CLNK: variants seen among roughly 807,000 people sequenced by gnomAD.
CLNK encodes cytokine dependent hematopoietic cell linker, also known as cytokine-dependent hematopoietic cell linker.
CLNK carries 74 observed loss-of-function variants against 68.6 expected under a neutral mutation model. The observed-to-expected ratio is 1.08, with a 90% CI of 0.89 to 1.31. CLNK has a LOEUF of 1.31. Among genes scored for constraint, CLNK ranks in the 50% most tolerant of loss-of-function variants. The probability of loss-of-function intolerance (pLI) is 0.00; values close to 1 mark genes in which losing one functional copy is unlikely to be tolerated. For synonymous variants in CLNK, 198 were observed against 172.2 expected, an observed-to-expected ratio of 1.15 and a Z score of -1.17; for missense variants, 553 against 515.3, an observed-to-expected ratio of 1.07 and a Z score of -0.71.
At chr4:10,723,523 A>G in the CLNK span, among the ~76,000 whole-genome samples, 2 of 152,172 alleles carry the variant, frequency 1.3e-5, no homozygotes, top group Non-Finnish European at 2.9e-5. Flanking sequence ...ATTAAGAGAA[A>G]TAACACTAAG....
At chr4:10,596,532 G>A (rs1336460644) in intron 3 of CLNK, among the ~76,000 whole-genome samples, 1 of 152,052 alleles carries the variant, frequency 6.6e-6, no homozygotes, top group Non-Finnish European at 1.5e-5. Context: ...TAAATACATT[G>A]GTTTAATAGT....
intron 2 of CLNK, among the ~76,000 whole-genome samples, chr4:10,667,517 G>T (rs908308020): frequency 8.6e-5 from 13 of 151,910 alleles, no homozygotes; most frequent in African/African-American, 3.1e-4. Flanking sequence ...TCTCCTGTGG[G>T]AAAAAGCACA....
intron 10 of CLNK, among the ~76,000 whole-genome samples, 187 bp from the exon 11 acceptor site, chr4:10,540,791 T>G (rs1040581375): frequency 1.3e-5 from 2 of 152,172 alleles, no homozygotes; most frequent in African/African-American, 4.8e-5. Context: ...GACATAATTT[T>G]CTATGGGGAG....
At chr4:10,512,520 C>T (rs1311977494) in intron 16 of CLNK, among the ~76,000 whole-genome samples, 2 of 151,974 alleles carry the variant, frequency 1.3e-5, no homozygotes, top group African/African-American at 2.4e-5. Context: ...CATGAGCCAC[C>T]GTGCCTGGCC....
chr4:10,516,733 T>C (rs1444059045), intron 15 of CLNK, among the ~76,000 whole-genome samples: 1 of 152,098 alleles, frequency 6.6e-6, no homozygotes, highest in Non-Finnish European at 1.5e-5. Context: ...TTGTGTTTAG[T>C]AGAGTCAGGG....
At chr4:10,716,929 G>A in the CLNK span, among the ~76,000 whole-genome samples, 3 of 151,750 alleles carry the variant, frequency 2.0e-5, no homozygotes, top group Admixed American at 6.6e-5. Flanking sequence ...CCTGACCTCA[G>A]GCAATCCGCC....
chr4:10,573,441 A>G (rs1720425744), intron 4 of CLNK, among the ~76,000 whole-genome samples: 1 of 152,094 alleles, frequency 6.6e-6, no homozygotes, highest in Non-Finnish European at 1.5e-5. Flanking sequence ...CACTGATGAC[A>G]CCTTCCTGAC....
rs184562005 is a variant in CLNK at position 10,676,320 on chromosome 4, T to C, written c.-43+8348A>G. On this transcript the variant is annotated intron_variant, in intron 1 of 18. Transcript: ENST00000226951. ...GATCAATCAGCTCAATTTAATTAAATATAACATTTAATTTTATTGGATTTC... is the reference window on the plus strand; with the variant it reads ...GATCAATCAGCTCAATTTAATTAAACATAACATTTAATTTTATTGGATTTC... 1.6e-3 allele frequency among the ~76,000 whole-genome samples: 249 copies of C among 152,052 alleles called. 2 individuals are homozygous for C. Among genetic ancestry groups the C allele is most frequent in the African/African-American group, 6.0e-3 (247 of 41,512 alleles).
intron 2 of CLNK, among the ~76,000 whole-genome samples, chr4:10,641,829 G>T (rs1196671817): frequency 6.6e-6 from 1 of 151,066 alleles, no homozygotes; most frequent in Non-Finnish European, 1.5e-5. Context: ...GAATAATGGG[G>T]GTGGTTTCCC....
intron 18 of CLNK, among the ~76,000 whole-genome samples, chr4:10,493,513 G>A (rs371611836): frequency 9.2e-5 from 14 of 152,072 alleles, no homozygotes; most frequent in East Asian, 1.9e-4. Context: ...ACAAGGGAAC[G>A]AATCTCATCT....
At chr4:10,650,905 A>T (rs572358057) in intron 2 of CLNK, among the ~76,000 whole-genome samples, 6 of 152,224 alleles carry the variant, frequency 3.9e-5, no homozygotes, top group African/African-American at 1.4e-4. Flanking sequence ...ATGAACAGAC[A>T]CTTCTCAAAA....
chr4:10,697,731 C>T, the CLNK span: 1 of 152,160 alleles, frequency 6.6e-6, no homozygotes, highest in Admixed American at 6.5e-5. Flanking sequence ...GGTGAAGCTG[C>T]CTACTGGTTC....
chr4:10,647,766 A>G (rs377292793), intron 2 of CLNK, among the ~76,000 whole-genome samples: 138 of 152,294 alleles, frequency 9.1e-4, no homozygotes, highest in African/African-American at 3.0e-3. Context: ...TGTAAAAAAA[A>G]TGTTTCACTT....
At chr4:10,666,899 G>T (rs995189822) in intron 2 of CLNK, among the ~76,000 whole-genome samples, 5 of 152,176 alleles carry the variant, frequency 3.3e-5, no homozygotes, top group Non-Finnish European at 5.9e-5. Flanking sequence ...TACCGGGGCT[G>T]TCACAGCACC....
chr4:10,553,046 A>G (rs1719522734), intron 8 of CLNK, among the ~76,000 whole-genome samples: 1 of 129,896 alleles, frequency 7.7e-6, no homozygotes, highest in Non-Finnish European at 1.6e-5. Context: ...ACTGGCAGGA[A>G]GAGGAGGGGG....
intron 8 of CLNK, among the ~76,000 whole-genome samples, chr4:10,556,783 G>T (rs1430011518): frequency 1.3e-5 from 2 of 152,050 alleles, no homozygotes; most frequent in African/African-American, 4.8e-5. Flanking sequence ...GCTGGTTAAA[G>T]AAAAGGAGAA....
intron 13 of CLNK, among the ~76,000 whole-genome samples, chr4:10,527,827 C>T (rs1718384253): frequency 6.6e-6 from 1 of 152,108 alleles, no homozygotes; most frequent in Non-Finnish European, 1.5e-5. Flanking sequence ...GCCTTTTGGA[C>T]AGTAGCATAT....
At chr4:10,720,263 T>G in the CLNK span, among the ~76,000 whole-genome samples, 1 of 152,144 alleles carries the variant, frequency 6.6e-6, no homozygotes, top group Non-Finnish European at 1.5e-5. Flanking sequence ...CAAAGTTGTT[T>G]GTTTAAAAAG....
chr4:10,704,408 T>A, the CLNK span, among the ~76,000 whole-genome samples: 1 of 152,222 alleles, frequency 6.6e-6, no homozygotes, highest in African/African-American at 2.4e-5. Context: ...TGATATTTTT[T>A]ATAGGAAACA....
Sources: gnomAD v4.1 joint callset for allele counts (sites outside exome capture counted in the v4.1 genomes callset) on GRCh38, gnomAD v4.1.1 for gene constraint, MANE v1.5 for transcripts, NCBI Gene and HGNC (gene_info 2026-07-23, HGNC 2026-07-21) for gene names.